TMEM106B: variants seen among roughly 807,000 people sequenced by gnomAD.
TMEM106B encodes transmembrane protein 106B.
Under a neutral mutation model 31.1 loss-of-function variants are expected in TMEM106B, and 15 were observed. The observed-to-expected ratio is 0.48, with a 90% CI of 0.32 to 0.74. TMEM106B has a LOEUF of 0.74. Among genes scored for constraint, TMEM106B ranks in the 30% least tolerant of loss-of-function variants. The probability of loss-of-function intolerance (pLI) is 0.03; values close to 1 mark genes in which losing one functional copy is unlikely to be tolerated. For missense variants in TMEM106B, 283 were observed against 327.3 expected (o/e 0.86, Z 1.04); for synonymous variants, 126 against 112.5 (o/e 1.12, Z -0.76).
At chr7:12,221,686 C>T (rs1050476685) in intron 3 of TMEM106B, among the ~76,000 whole-genome samples, 10 of 152,200 alleles carry the variant, frequency 6.6e-5, no homozygotes, top group African/African-American at 2.2e-4. Flanking sequence ...AGAAAGGTTC[C>T]AGCCTGCAGC....
At chr7:12,227,738 C>A (rs1168357332) in intron 4 of TMEM106B, among the ~76,000 whole-genome samples, 1 of 151,924 alleles carries the variant, frequency 6.6e-6, no homozygotes, top group East Asian at 1.9e-4. Context: ...TCTTTGTTAA[C>A]AATTATGGTG....
chr7:12,227,627 A>G (rs1053020089), intron 4 of TMEM106B, among the ~76,000 whole-genome samples: 71 of 124,514 alleles, frequency 5.7e-4, no homozygotes, highest in Admixed American at 1.2e-3. Flanking sequence ...AATATTAGGA[A>G]AACATCTTTG....
chr7:12,241,749 T>A lies in TMEM106B; in HGVS notation c.*9774T>A, dbSNP rs991105186. On this transcript the variant is annotated 3_prime_UTR_variant, in exon 8 of 8. Transcript: ENST00000396668. ...GTCTTTACAGTAAAATGATTTATAA[T>A]CTTTTGGGTATACACCCAGTAATGG... 6 of 152,208 alleles carry A rather than the reference T, an allele frequency of 3.9e-5. No individual in the cohort carries two copies. Among genetic ancestry groups the A allele is most frequent in the African/African-American group, 1.2e-4 (5 of 41,438 alleles). 9.4% of individuals were successfully genotyped at this position (152,208 alleles called of 1,614,324 possible).
intron 1 of TMEM106B, among the ~76,000 whole-genome samples, chr7:12,212,876 T>C (rs1361030933): frequency 6.6e-6 from 1 of 152,226 alleles, no homozygotes; most frequent in Admixed American, 6.5e-5. Flanking sequence ...AAAGAAATAC[T>C]ATCTGTCTGA....
rs903192578 is a variant in TMEM106B, at chr7:12,230,689, C to G, written c.632+251C>G. 4 of 338,358 alleles carry G rather than the reference C, an allele frequency of 1.2e-5. No individual in the cohort carries two copies. The East Asian group carries it at 1.6e-4, about 13-fold the overall frequency. The allele number at this position is 338,358 out of a possible 1,614,324, so 21.0% of individuals were successfully genotyped here. On this transcript the variant is annotated intron_variant, in intron 6 of 7. Transcript: ENST00000396668. ...TACCATGTCACTTTATTTTTCATTACTATGTTACTGTGTTAAACTTGTTAC... is the reference window on the plus strand; with the variant it reads ...TACCATGTCACTTTATTTTTCATTAGTATGTTACTGTGTTAAACTTGTTAC...
chr7:12,231,761 G>A (rs994094910), intron 7 of TMEM106B, 76 bp from the exon 8 acceptor site: 55 of 1,146,126 alleles, frequency 4.8e-5, no homozygotes, highest in Middle Eastern at 4.1e-4. Context: ...TAATTTTTAT[G>A]TGTTAAAGTA....
At chr7:12,217,782 A>G (rs1781715203) in intron 2 of TMEM106B, among the ~76,000 whole-genome samples, 2 of 152,192 alleles carry the variant, frequency 1.3e-5, no homozygotes, top group African/African-American at 2.4e-5. Context: ...GAACTTGACT[A>G]TCTGATACCT....
rs547055219 is a variant in TMEM106B at position 12,216,755 on chromosome 7, G to A, written c.218-1703G>A. Among the ~76,000 whole-genome samples, 3 of 152,302 alleles carry A rather than the reference G, an allele frequency of 2.0e-5. No individual in the cohort carries two copies. In the South Asian group the frequency reaches 6.2e-4, roughly 32 times the overall value. ...ATCATGGAAGATAAGTGAAGAAAGT[G>A]TACCAAGGAGGAAAGAGTGACCAAC... On this transcript the variant is annotated intron_variant, in intron 2 of 7. Coordinates refer to ENST00000396668, the MANE Select transcript of TMEM106B (RefSeq NM_001134232.2).
chr7:12,227,855 T>G (rs1369488540), intron 4 of TMEM106B, among the ~76,000 whole-genome samples: 1 of 151,896 alleles, frequency 6.6e-6, no homozygotes, highest in Non-Finnish European at 1.5e-5. Context: ...TTTCTTTGTC[T>G]TAATTCTCAT....
intron 3 of TMEM106B, among the ~76,000 whole-genome samples, chr7:12,222,965 A>G (rs1781817027): frequency 6.6e-6 from 1 of 152,204 alleles, no homozygotes; most frequent in South Asian, 2.1e-4. Context: ...AAGAAACAAT[A>G]AAATGGAAAA....
intron 1 of TMEM106B, among the ~76,000 whole-genome samples, chr7:12,212,356 TACAGTGTGTGGGG>T (rs1256340496): frequency 6.6e-6 from 1 of 152,204 alleles, no homozygotes; most frequent in Non-Finnish European, 1.5e-5. Flanking sequence ...ACCCCAAGGT[TACAGTGTGTGGGG>T]ACAGTGATGT....
intron 4 of TMEM106B, among the ~76,000 whole-genome samples, chr7:12,227,761 CT>C (rs1376287588): frequency 2.2e-5 from 3 of 136,884 alleles, no homozygotes; most frequent in Non-Finnish European, 4.9e-5. Flanking sequence ...CTCTTTTCAT[CT>C]TTTAAATTAA....
Position 12,224,248 on chromosome 7 carries a change from G to A in TMEM106B, c.304G>A (p.Val102Met). Residue 102 changes from valine to methionine, a missense_variant, in exon 4 of 8, where the codon GTG becomes ATG. Physicochemically the swap from Val to Met is conservative, Grantham distance 21 (BLOSUM62 1). This residue lies in a region of TMEM106B where 201 missense variants were observed against 211.5 expected (regional missense o/e 0.95). Coordinates refer to ENST00000396668, the MANE Select transcript of TMEM106B (RefSeq NM_001134232.2). The stretch of plus-strand genomic sequence containing the variant: ...CAGAAAGCTGTATGTGATGGCTTCT[G>A]TGTTTGTCTGTCTACTCCTTTCTGG... ...RRTKLYVMAS[V>M]FVCLLLSGLA... 2 of 1,613,752 alleles carry A rather than the reference G, an allele frequency of 1.2e-6. No individual in the cohort carries two copies. Among genetic ancestry groups the A allele is most frequent in the Non-Finnish European group, 8.5e-7 (1 of 1,179,790 alleles).
intron 4 of TMEM106B, among the ~76,000 whole-genome samples, chr7:12,227,140 C>T (rs1781917512): frequency 6.6e-6 from 1 of 152,042 alleles, no homozygotes; most frequent in South Asian, 2.1e-4. Flanking sequence ...ACAGACTGAA[C>T]ATTAAATGAA....
intron 3 of TMEM106B, among the ~76,000 whole-genome samples, chr7:12,219,498 G>C (rs975217940): frequency 6.6e-6 from 1 of 152,154 alleles, no homozygotes; most frequent in Non-Finnish European, 1.5e-5. Flanking sequence ...AGAAGTTGAA[G>C]AAAGTAAGCT....
In TMEM106B at chr7:12,240,034, A is replaced by G. The variant is rs1245453180; in HGVS notation, c.*8059A>G. The G allele has an allele frequency of 7.9e-5, 10 of 126,412 alleles. No homozygotes were observed. 7.8% of individuals were successfully genotyped at this position (126,412 alleles called of 1,614,324 possible). The stretch of plus-strand genomic sequence containing the variant: ...GGTGATGCACAATAAAAGGAAGTAT[A>G]TCTGCACTTCCTTCTTTTTTACTGA... On this transcript the variant is annotated 3_prime_UTR_variant, in exon 8 of 8. Transcript: ENST00000396668.
At chr7:12,214,517 A>C in intron 1 of TMEM106B, 1 of 285,086 alleles carries the variant, frequency 3.5e-6, no homozygotes, top group East Asian at 6.9e-5. Flanking sequence ...TTCTGGGCTG[A>C]ATTAATGTAT....
At chr7:12,227,562 C>A (rs1315250300) in intron 4 of TMEM106B, among the ~76,000 whole-genome samples, 1 of 135,882 alleles carries the variant, frequency 7.4e-6, no homozygotes, top group Non-Finnish European at 1.6e-5. Context: ...TTTACATGAT[C>A]ATATTATAAT....
chr7:12,228,236 TTCA>T (rs1392302048), intron 4 of TMEM106B, among the ~76,000 whole-genome samples: 1 of 151,748 alleles, frequency 6.6e-6, no homozygotes, highest in African/African-American at 2.4e-5. Flanking sequence ...AGCATATTCT[TTCA>T]TCCTTTTTTT....
Sources: allele counts gnomAD v4.1 joint callset (sites outside exome capture counted in the v4.1 genomes callset), GRCh38; gene constraint gnomAD v4.1.1; regional missense constraint gnomAD v4.1.1; transcripts MANE v1.5; gene names NCBI Gene and HGNC (gene_info 2026-07-23, HGNC 2026-07-21).